Variants in TC2N observed in about 807,000 individuals in gnomAD.
The protein encoded by TC2N is tandem C2 domains nuclear protein.
TC2N carries 51 observed loss-of-function variants against 61.9 expected under a neutral mutation model. That is an observed-to-expected ratio of 0.82 (90% CI 0.66 to 1.04). TC2N has a LOEUF of 1.04. TC2N is among the 50% of genes least tolerant of loss of function. The pLI is 0.00. For missense variants in TC2N, 556 were observed against 566.7 expected (o/e 0.98, Z 0.19); for synonymous variants, 204 against 192.6 (o/e 1.06, Z -0.49).
intron 1 of TC2N, among the ~76,000 whole-genome samples, chr14:91,829,737 G>A (rs969200757): frequency 1.3e-5 from 2 of 152,018 alleles, no homozygotes; most frequent in Admixed American, 1.3e-4. Flanking sequence ...TTGTACAGCT[G>A]GTTATCTTTG....
intron 11 of TC2N, among the ~76,000 whole-genome samples, chr14:91,783,716 T>C (rs1037463080): frequency 6.6e-6 from 1 of 152,136 alleles, no homozygotes; most frequent in Non-Finnish European, 1.5e-5. Flanking sequence ...CCATCACTTA[T>C]GTAACTTAAA....
intron 1 of TC2N, among the ~76,000 whole-genome samples, chr14:91,844,476 C>T (rs1030201380): frequency 6.6e-6 from 1 of 152,140 alleles, no homozygotes; most frequent in Admixed American, 6.5e-5. Context: ...TCAAAACCAT[C>T]TTATGGGCCC....
At chr14:91,844,225 C>T (rs1036999011) in intron 1 of TC2N, among the ~76,000 whole-genome samples, 1 of 152,172 alleles carries the variant, frequency 6.6e-6, no homozygotes, top group Non-Finnish European at 1.5e-5. Flanking sequence ...CCCCAGGAAA[C>T]AATTTGGCGT....
intron 3 of TC2N, among the ~76,000 whole-genome samples, chr14:91,804,652 A>C (rs1189233355): frequency 6.6e-6 from 1 of 152,224 alleles, no homozygotes; most frequent in Non-Finnish European, 1.5e-5. Flanking sequence ...GAAAACCATA[A>C]ACAAAAGAAT....
At chr14:91,855,718 A>G (rs973969973) in intron 1 of TC2N, among the ~76,000 whole-genome samples, 1 of 152,232 alleles carries the variant, frequency 6.6e-6, no homozygotes, top group Non-Finnish European at 1.5e-5. Context: ...TTTTATGGAA[A>G]TTGAGTAAGA....
At chr14:91,783,241 C>A in intron 11 of TC2N, 31 bp from the exon 12 acceptor site, 1 of 1,243,722 alleles carries the variant, frequency 8.0e-7, no homozygotes, top group Non-Finnish European at 1.2e-6. Flanking sequence ...AATCATTTAA[C>A]TTGACACAAT....
rs149563118 is a variant in TC2N at position 91,864,596 on chromosome 14, A to C, written c.-57+2666T>G. 1.9e-3 allele frequency among the ~76,000 whole-genome samples: 287 copies of C among 152,308 alleles called. 1 individual carries two copies. The highest frequency in any genetic ancestry group is 6.7e-3 in the African/African-American group (278 of 41,568). On this transcript the variant is annotated intron_variant, in intron 1 of 11. Coordinates refer to ENST00000435962, the MANE Select transcript of TC2N (RefSeq NM_001128596.3). ...TAGAAGGTTGGAAACGAAGACTTAG[A>C]AAAAAGGAACAGGTTGAAACCAAAA...
At chr14:91,836,225 C>A (rs1260170762) in intron 1 of TC2N, 2 of 152,302 alleles carry the variant, frequency 1.3e-5, no homozygotes, top group Non-Finnish European at 2.9e-5. Context: ...GCACCCCCCA[C>A]AGCCCTGAGC....
In TC2N at chr14:91,786,718, G is replaced by T. The variant is rs75522823; in HGVS notation, c.1162+795C>A. 4.5e-3 allele frequency among the ~76,000 whole-genome samples: 678 copies of T among 152,146 alleles called. 4 individuals carry two copies. Among genetic ancestry groups the T allele is most frequent in the African/African-American group, 0.016 (646 of 41,496 alleles). ...AATTTGAAATTATATCCTCTTCATT[G>T]CTCAGAATATCATTCATGTTTTCTC... is the stretch of plus-strand genomic sequence containing the variant. On this transcript the variant is annotated intron_variant, in intron 10 of 11. Coordinates refer to ENST00000435962, the MANE Select transcript of TC2N (RefSeq NM_001128596.3).
chr14:91,865,219 A>G (rs1174595014), intron 1 of TC2N, among the ~76,000 whole-genome samples: 1 of 144,804 alleles, frequency 6.9e-6, no homozygotes, highest in Non-Finnish European at 1.5e-5. Context: ...TCTCACTTTA[A>G]TGATTTATTT....
At chr14:91,834,009 A>C (rs951653263) in intron 1 of TC2N, among the ~76,000 whole-genome samples, 2 of 152,228 alleles carry the variant, frequency 1.3e-5, no homozygotes, top group Non-Finnish European at 2.9e-5. Context: ...CCCTGAATGC[A>C]TAATAATAAT....
chr14:91,825,456 C>A (rs1357512563), intron 1 of TC2N, among the ~76,000 whole-genome samples: 1 of 152,138 alleles, frequency 6.6e-6, no homozygotes, highest in Non-Finnish European at 1.5e-5. Context: ...TTTATCCCCC[C>A]ACTGTGCTGC....
chr14:91,809,222 C>A (rs540487948), intron 3 of TC2N, among the ~76,000 whole-genome samples: 1 of 152,062 alleles, frequency 6.6e-6, no homozygotes, highest in East Asian at 1.9e-4. Context: ...ACCAGCCTGG[C>A]CAACATGATG....
rs577227099 is a variant in TC2N, at chr14:91,814,438, C to G, written c.-56-613G>C. On this transcript the variant is annotated intron_variant, in intron 1 of 11. Coordinates refer to ENST00000435962, the MANE Select transcript of TC2N (RefSeq NM_001128596.3). ...AGGAGAGACAGAGTGAGCTGAGGCA[C>G]AGAGAGAGAAAAGAAATAAAGAGGA... Among the ~76,000 whole-genome samples, 6 of 147,338 alleles carry G rather than the reference C, an allele frequency of 4.1e-5. No individual in the cohort carries two copies. In the East Asian group the frequency reaches 9.9e-4, roughly 24 times the overall value.
chr14:91,832,686 G>A (rs1489684173), intron 1 of TC2N, among the ~76,000 whole-genome samples: 1 of 151,958 alleles, frequency 6.6e-6, no homozygotes, highest in Admixed American at 6.6e-5. Flanking sequence ...AAAACAATCC[G>A]GTGTTTTCCA....
At chr14:91,835,017 C>T (rs1021444958) in intron 1 of TC2N, among the ~76,000 whole-genome samples, 2 of 152,194 alleles carry the variant, frequency 1.3e-5, no homozygotes, top group Admixed American at 1.3e-4. Context: ...ACAGCTATGC[C>T]AGATGTCCCG....
chr14:91,807,255 A>T (rs1157652712), intron 3 of TC2N, among the ~76,000 whole-genome samples: 1 of 152,190 alleles, frequency 6.6e-6, no homozygotes, highest in East Asian at 1.9e-4. Context: ...GCCCCCACAG[A>T]GTCTCCACTG....
chr14:91,840,163 G>C (rs1207430428), intron 1 of TC2N, among the ~76,000 whole-genome samples: 2 of 152,162 alleles, frequency 1.3e-5, no homozygotes, highest in Non-Finnish European at 2.9e-5. Flanking sequence ...TGGCTTCATA[G>C]AACAAAGCTC....
chr14:91,813,520 T>C (rs189684913), intron 2 of TC2N, among the ~76,000 whole-genome samples, 183 bp downstream of exon 2: 2 of 151,878 alleles, frequency 1.3e-5, no homozygotes, highest in Non-Finnish European at 3.0e-5. Flanking sequence ...ATCCCCTGGG[T>C]TGAATTACTC....
Sources: allele counts gnomAD v4.1 joint callset (sites outside exome capture counted in the v4.1 genomes callset), GRCh38; gene constraint gnomAD v4.1.1; transcripts MANE v1.5; gene names NCBI Gene and HGNC (gene_info 2026-07-23, HGNC 2026-07-21).